Variants in GRID1 observed in about 807,000 individuals in gnomAD.
The protein encoded by GRID1 is glutamate ionotropic receptor delta type subunit 1, also known as glutamate receptor ionotropic, delta-1.
A neutral mutation model predicts 98.0 loss-of-function variants in GRID1; 28 were observed. That is an observed-to-expected ratio of 0.29 (90% CI 0.21 to 0.39). The LOEUF is 0.39. Ranked by LOEUF, GRID1 falls within the 10% of genes least tolerant of loss-of-function variation. GRID1 has a pLI of 1.00. For synonymous variants in GRID1, 553 were observed against 538.5 expected, an observed-to-expected ratio of 1.03 and a Z score of -0.37; for missense variants, 1,111 against 1,340.5, an observed-to-expected ratio of 0.83 and a Z score of 2.67.
intron 4 of GRID1, among the ~76,000 whole-genome samples, chr10:86,076,547 C>T (rs150661259): frequency 7.9e-5 from 12 of 152,264 alleles, no homozygotes; most frequent in East Asian, 5.8e-4. Context: ...CATGTGATGG[C>T]GGAAGCTGGC....
At chr10:85,650,468 A>G (rs1843253646) in intron 12 of GRID1, among the ~76,000 whole-genome samples, 1 of 152,172 alleles carries the variant, frequency 6.6e-6, no homozygotes, top group Non-Finnish European at 1.5e-5. Context: ...ATGTCATTCA[A>G]CCAGTTATTT....
chr10:85,706,549 T>C (rs957040978), intron 12 of GRID1, among the ~76,000 whole-genome samples: 4 of 152,074 alleles, frequency 2.6e-5, no homozygotes, highest in East Asian at 1.9e-4. Flanking sequence ...AGGTAATTTA[T>C]AGATTCAATG....
At chr10:86,045,788 T>G (rs1843415060) in intron 4 of GRID1, among the ~76,000 whole-genome samples, 1 of 152,204 alleles carries the variant, frequency 6.6e-6, no homozygotes. Context: ...TGAAGGCCGT[T>G]GTTATGGTTG....
intron 8 of GRID1, among the ~76,000 whole-genome samples, chr10:85,762,137 A>C (rs1842153297): frequency 6.6e-6 from 1 of 152,184 alleles, no homozygotes; most frequent in Non-Finnish European, 1.5e-5. Context: ...ACAATTTTGC[A>C]CCGCATTCCT....
intron 8 of GRID1, among the ~76,000 whole-genome samples, chr10:85,827,170 G>A (rs116933629): frequency 0.033 from 5,021 of 152,240 alleles, 126 homozygotes; most frequent in Non-Finnish European, 0.047. Flanking sequence ...ATATGGATAG[G>A]AATGAAGATT....
At chr10:85,932,526 C>T (rs1222552189) in intron 4 of GRID1, among the ~76,000 whole-genome samples, 2 of 152,148 alleles carry the variant, frequency 1.3e-5, no homozygotes, top group Non-Finnish European at 2.9e-5. Flanking sequence ...TTTCTATTTT[C>T]CAAAAACTGG....
intron 4 of GRID1, among the ~76,000 whole-genome samples, chr10:85,999,242 A>G (rs1589330718): frequency 6.6e-6 from 1 of 152,032 alleles, no homozygotes; most frequent in African/African-American, 2.4e-5. Context: ...GAAAGAAAGA[A>G]AAACACAAAC....
At chr10:85,630,666 A>G (rs1842965054) in intron 13 of GRID1, among the ~76,000 whole-genome samples, 1 of 152,070 alleles carries the variant, frequency 6.6e-6, no homozygotes, top group Admixed American at 6.5e-5. Context: ...TCTATGCTAT[A>G]GACTAGTGAT....
intron 4 of GRID1, among the ~76,000 whole-genome samples, chr10:86,080,470 A>G: frequency 1.3e-5 from 1 of 76,508 alleles, no homozygotes; most frequent in Non-Finnish European, 2.5e-5. Flanking sequence ...AGGGGAGGGA[A>G]GGGAAGGGAA....
chr10:86,094,399 G>A (rs1844191338), intron 4 of GRID1, among the ~76,000 whole-genome samples: 1 of 152,206 alleles, frequency 6.6e-6, no homozygotes, highest in African/African-American at 2.4e-5. Flanking sequence ...TCAAGAGGAA[G>A]TCAAACTGTC....
At chr10:85,773,225 CAT>C (rs1484023245) in intron 8 of GRID1, among the ~76,000 whole-genome samples, 3 of 152,150 alleles carry the variant, frequency 2.0e-5, no homozygotes, top group Admixed American at 6.5e-5. Context: ...ACAAAAACCA[CAT>C]GATTATCTCA....
intron 2 of GRID1, among the ~76,000 whole-genome samples, chr10:86,272,485 T>C (rs1224261280): frequency 1.3e-5 from 2 of 152,188 alleles, no homozygotes; most frequent in African/African-American, 4.8e-5. Context: ...ATATAAGACC[T>C]TCATCTCTAG....
At chr10:86,263,548 G>A (rs573292488) in intron 2 of GRID1, among the ~76,000 whole-genome samples, 1 of 152,350 alleles carries the variant, frequency 6.6e-6, no homozygotes, top group Non-Finnish European at 1.5e-5. Flanking sequence ...AGCGAGAACA[G>A]AGGCCAAACC....
intron 8 of GRID1, among the ~76,000 whole-genome samples, chr10:85,747,777 T>C (rs1842011105): frequency 6.6e-6 from 1 of 152,154 alleles, no homozygotes; most frequent in Admixed American, 6.5e-5. Context: ...GCAGAAGCCT[T>C]GAGCCCAGAT....
intron 8 of GRID1, among the ~76,000 whole-genome samples, chr10:85,846,304 G>T (rs928523664): frequency 6.6e-6 from 1 of 152,072 alleles, no homozygotes; most frequent in Non-Finnish European, 1.5e-5. Context: ...GAGACTGAGG[G>T]GGCAGATCAC....
At chr10:86,003,906 C>T (rs958434824) in intron 4 of GRID1, among the ~76,000 whole-genome samples, 1 of 152,192 alleles carries the variant, frequency 6.6e-6, no homozygotes, top group Non-Finnish European at 1.5e-5. Flanking sequence ...CCCTGTGCCA[C>T]ATACATAGGG....
intron 12 of GRID1, among the ~76,000 whole-genome samples, chr10:85,720,644 AAG>A (rs1491280585): frequency 4.0e-5 from 6 of 148,808 alleles, no homozygotes; most frequent in Non-Finnish European, 7.5e-5. Context: ...AAAAAAAAAA[AAG>A]AAAGAAAGAA....
At chr10:86,331,973 C>T (rs1322083513) in intron 2 of GRID1, among the ~76,000 whole-genome samples, 1 of 152,204 alleles carries the variant, frequency 6.6e-6, no homozygotes, top group East Asian at 1.9e-4. Flanking sequence ...ACAGGAATGA[C>T]ACAGAAAGCA....
At chr10:85,950,593 G>A (rs141717711) in intron 4 of GRID1, among the ~76,000 whole-genome samples, 2 of 152,220 alleles carry the variant, frequency 1.3e-5, no homozygotes, top group Non-Finnish European at 2.9e-5. Flanking sequence ...CAAAAGGCCT[G>A]TAAGATAACA....
Sources: gnomAD v4.1 joint callset for allele counts (sites outside exome capture counted in the v4.1 genomes callset) on GRCh38, gnomAD v4.1.1 for gene constraint, MANE v1.5 for transcripts, NCBI Gene and HGNC (gene_info 2026-07-23, HGNC 2026-07-21) for gene names.